The following CLIC5 variants were observed in gnomAD, a reference collection of about 807,000 sequenced individuals.
CLIC5 encodes CLIC family member 5, also known as chloride intracellular channel protein 5.
A neutral mutation model predicts 24.7 loss-of-function variants in CLIC5; 20 were observed. The observed-to-expected ratio is 0.81, with a 90% CI of 0.57 to 1.18. The LOEUF is 1.18. Among genes scored for constraint, CLIC5 ranks in the 50% most tolerant of loss-of-function variants. The pLI is 0.00. For missense variants in CLIC5, 341 were observed against 326.1 expected, an observed-to-expected ratio of 1.05 and a Z score of -0.35; for synonymous variants, 159 against 135.6, an observed-to-expected ratio of 1.17 and a Z score of -1.20.
the CLIC5 span, among the ~76,000 whole-genome samples, chr6:46,118,072 T>C: frequency 6.6e-6 from 1 of 152,340 alleles, no homozygotes; most frequent in African/African-American, 2.4e-5. Context: ...CAGTGCCAAC[T>C]GTGCATCTCA....
At chr6:45,955,377 C>T (rs1764609558) in intron 1 of CLIC5, 133 bp from the exon 2 acceptor site, 4 of 630,510 alleles carry the variant, frequency 6.3e-6, no homozygotes, top group Non-Finnish European at 8.3e-6. Flanking sequence ...AGGGCGGTAG[C>T]CTGATATTAT....
intron 1 of CLIC5, among the ~76,000 whole-genome samples, chr6:46,061,433 T>A (rs1365921911): frequency 6.6e-6 from 1 of 152,196 alleles, no homozygotes; most frequent in Non-Finnish European, 1.5e-5. Context: ...CCTTGTGAGC[T>A]GCCCGCCTTG....
chr6:45,945,067 C>T (rs1048945873), intron 3 of CLIC5, among the ~76,000 whole-genome samples: 6 of 152,146 alleles, frequency 3.9e-5, no homozygotes, highest in African/African-American at 1.4e-4. Context: ...TAAAAGATAT[C>T]CCCTAGGATC....
chr6:46,061,781 C>T (rs1762290844), intron 1 of CLIC5, among the ~76,000 whole-genome samples: 1 of 152,152 alleles, frequency 6.6e-6, no homozygotes. Flanking sequence ...CACAGATGTT[C>T]TTTTTCAGTG....
At chr6:45,992,623 GA>G (rs1221284863) in intron 1 of CLIC5, among the ~76,000 whole-genome samples, 1 of 152,122 alleles carries the variant, frequency 6.6e-6, no homozygotes, top group Admixed American at 6.6e-5. Context: ...TGTGAATGCA[GA>G]AATACCTGTG....
At chr6:45,959,635 CTG>C (rs1561965448) in intron 1 of CLIC5, among the ~76,000 whole-genome samples, 82 of 151,906 alleles carry the variant, frequency 5.4e-4, no homozygotes, top group African/African-American at 1.9e-3. Flanking sequence ...GCCTCCCAGG[CTG>C]AAGCAAATAC....
downstream of CLIC5, among the ~76,000 whole-genome samples, chr6:45,897,926 T>G (rs1762415985): frequency 6.6e-6 from 1 of 152,088 alleles, no homozygotes; most frequent in African/African-American, 2.4e-5. Context: ...TCAGTATAAT[T>G]TTTTACCTAG....
At chr6:46,005,382 T>A (rs1766512915) in intron 1 of CLIC5, among the ~76,000 whole-genome samples, 1 of 152,214 alleles carries the variant, frequency 6.6e-6, no homozygotes, top group South Asian at 2.1e-4. Context: ...ACAAAACTTC[T>A]ACACACCAAA....
chr6:45,909,896 G>C (rs745420671), intron 5 of CLIC5, among the ~76,000 whole-genome samples: 3 of 152,186 alleles, frequency 2.0e-5, no homozygotes, highest in Non-Finnish European at 4.4e-5. Context: ...AGAAGCCCCA[G>C]ATCAGTCACT....
chr6:45,912,943 C>T (rs1762873874), intron 5 of CLIC5, among the ~76,000 whole-genome samples: 1 of 152,190 alleles, frequency 6.6e-6, no homozygotes, highest in Non-Finnish European at 1.5e-5. Flanking sequence ...ACGGAAACAC[C>T]AGTGTACACA....
intron 5 of CLIC5, among the ~76,000 whole-genome samples, chr6:45,904,638 T>TCTCC (rs376612466): frequency 4.2e-5 from 6 of 141,924 alleles, no homozygotes; most frequent in East Asian, 2.2e-4. Context: ...TCCCTCCCTC[T>TCTCC]TTTCTGTCCC....
intron 1 of CLIC5, among the ~76,000 whole-genome samples, chr6:46,078,726 T>A (rs1404274043): frequency 6.6e-6 from 1 of 152,194 alleles, no homozygotes; most frequent in Non-Finnish European, 1.5e-5. Flanking sequence ...AGATTATTTT[T>A]AAAAGGACCT....
intron 1 of CLIC5, among the ~76,000 whole-genome samples, chr6:46,051,987 C>A (rs1394010018): frequency 6.6e-6 from 1 of 152,136 alleles, no homozygotes; most frequent in Non-Finnish European, 1.5e-5. Flanking sequence ...ATTGACTCAG[C>A]CTCCTTTTGC....
intron 1 of CLIC5, among the ~76,000 whole-genome samples, chr6:45,962,058 GTACA>G (rs1581795779): frequency 1.1e-5 from 1 of 95,032 alleles, no homozygotes; most frequent in African/African-American, 4.3e-5. Flanking sequence ...ACACATATAT[GTACA>G]TACACACACA....
At position 46,032,627 on chromosome 6, in the gene CLIC5, G is replaced by T. The variant is rs563966343; in HGVS notation, c.540+47076C>A. On this transcript the variant is annotated intron_variant, in intron 1 of 5. Transcript: ENST00000185206. ...CAACCCCCCATATGAAGTCAACCAC[G>T]TTTATCTTTGGGAAGTGAATTTCCT... 3.2e-4 allele frequency among the ~76,000 whole-genome samples: 49 copies of T among 152,274 alleles called. 1 individual carries two copies. The South Asian group carries it at 9.7e-3, about 30-fold the overall frequency.
At chr6:46,061,155 T>A (rs905099467) in intron 1 of CLIC5, among the ~76,000 whole-genome samples, 5 of 152,170 alleles carry the variant, frequency 3.3e-5, no homozygotes, top group Non-Finnish European at 5.9e-5. Context: ...TGCTTAACCA[T>A]CACCTTTATA....
the CLIC5 span, among the ~76,000 whole-genome samples, chr6:46,124,343 T>A: frequency 1.3e-5 from 2 of 152,246 alleles, no homozygotes; most frequent in Non-Finnish European, 2.9e-5. Flanking sequence ...AAGGATTCCC[T>A]ATTTAACAAA....
At chr6:45,934,466 A>T (rs1416017217) in intron 4 of CLIC5, 1 of 152,330 alleles carries the variant, frequency 6.6e-6, no homozygotes, top group Admixed American at 6.5e-5. Flanking sequence ...GCCTTGAAAG[A>T]CTAAAACCAT....
chr6:46,086,629 T>C, the CLIC5 span, among the ~76,000 whole-genome samples: 1 of 152,152 alleles, frequency 6.6e-6, no homozygotes, highest in African/African-American at 2.4e-5. Flanking sequence ...ATACTGAAAA[T>C]GAGCAGCCAC....
Sources: gnomAD v4.1 joint callset for allele counts (sites outside exome capture counted in the v4.1 genomes callset) on GRCh38, gnomAD v4.1.1 for gene constraint, MANE v1.5 for transcripts, NCBI Gene and HGNC (gene_info 2026-07-23, HGNC 2026-07-21) for gene names.